The following BRD1 variants were observed in gnomAD, a reference collection of about 807,000 sequenced individuals.
The protein encoded by BRD1 is bromodomain containing 1.
A neutral mutation model predicts 107.7 loss-of-function variants in BRD1; 24 were observed. The observed-to-expected ratio is 0.22, with a 90% CI of 0.16 to 0.31. The LOEUF is 0.31. BRD1 is among the 10% of genes least tolerant of loss of function. The pLI, the probability that BRD1 is intolerant of heterozygous loss-of-function variation, is 1.00. For synonymous variants in BRD1, 744 were observed against 686.1 expected, an observed-to-expected ratio of 1.08 and a Z score of -1.32; for missense variants, 1,279 against 1,638.6, an observed-to-expected ratio of 0.78 and a Z score of 3.79.
chr22:49,790,407 A>G (rs148545473), intron 7 of BRD1, among the ~76,000 whole-genome samples: 11 of 152,314 alleles, frequency 7.2e-5, no homozygotes, highest in Admixed American at 6.5e-5. Flanking sequence ...ACATGGGAAA[A>G]GCTCAGAACA....
chr22:49,775,409 G>C (rs576035827), intron 12 of BRD1, 182 bp downstream of exon 12: 37 of 529,422 alleles, frequency 7.0e-5, no homozygotes, highest in African/African-American at 6.6e-4. Context: ...CCACAGTCCC[G>C]GCGAGGGGGC....
intron 2 of BRD1, among the ~76,000 whole-genome samples, chr22:49,821,157 C>G (rs1469223900): frequency 6.6e-6 from 1 of 152,222 alleles, no homozygotes; most frequent in Non-Finnish European, 1.5e-5. Context: ...GTCCTGCCTA[C>G]CCAACATCAG....
chr22:49,804,325 C>A lies in BRD1; in HGVS notation c.1403G>T (p.Arg468Leu). The change falls in exon 3 of 13, where the codon CGG becomes CTG. Residue 468 changes from arginine to leucine, a missense_variant. Coordinates refer to ENST00000404760, the MANE Select transcript of BRD1 (RefSeq NM_001304808.3). ...GGCTCGCTCCACAAACTGCTTCTTC[C>A]GCTGAATGGCCACCTGATTCGCAAT... ...NRIANQVAIQ[R>L]KKQFVERAHS... The A allele has an allele frequency of 6.2e-7, 1 of 1,608,708 alleles. No homozygotes were observed. Among genetic ancestry groups the A allele is most frequent in the Non-Finnish European group, 8.5e-7 (1 of 1,177,028 alleles).
At chr22:49,804,062 C>T in intron 3 of BRD1, 142 bp downstream of exon 3, 1 of 651,528 alleles carries the variant, frequency 1.5e-6, no homozygotes, top group Non-Finnish European at 2.4e-6. Flanking sequence ...CCTACAGCTC[C>T]AGGGCTGGAC....
At position 49,783,097 on chromosome 22, in the gene BRD1, C is replaced by A. The variant is rs982034502; in HGVS notation, c.2857+4293G>T. ...GGATGGTCAGAGACAGAACCAAGGC[C>A]CAGGCCAGACGCCTGCACGAGACCT... On this transcript the variant is annotated intron_variant, in intron 8 of 12. Coordinates refer to ENST00000404760, the MANE Select transcript of BRD1 (RefSeq NM_001304808.3). This position sits in a 1 kb window ranked among gnomAD's most constrained non-coding sequence, Gnocchi z 4.2. Among the ~76,000 whole-genome samples the A allele has an allele frequency of 3.3e-5, 5 of 151,402 alleles. No individual in the cohort carries two copies. Among genetic ancestry groups the A allele is most frequent in the Non-Finnish European group, 7.4e-5 (5 of 67,910 alleles).
intron 2 of BRD1, chr22:49,817,619 C>T (rs148014637): frequency 0.011 from 2,394 of 224,024 alleles, 24 homozygotes; most frequent in Middle Eastern, 0.029. Context: ...GGCACCATCT[C>T]TGTAGGCTCA....
rs1281023636 is a variant in BRD1 at position 49,823,039 on chromosome 22, T to C, written c.1279A>G (p.Arg427Gly). The C allele has an allele frequency of 6.2e-7, 1 of 1,614,250 alleles. No individual in the cohort carries two copies. ...TTCTTAGCCTTTTTTGCCTTCTTCCTGACCTTGGATGTGGACCTGACCGTT... is the reference window on the plus strand; with the variant it reads ...TTCTTAGCCTTTTTTGCCTTCTTCCCGACCTTGGATGTGGACCTGACCGTT... The part of the protein sequence containing the change: ...VKTVRSTSKV[R>G]KKAKKAKKAL... The change falls in exon 2 of 13, where the codon AGG becomes GGG. Residue 427 changes from arginine to glycine, a missense_variant. Physicochemically the swap from Arg to Gly is moderately radical, Grantham distance 125 (BLOSUM62 -2). Transcript: ENST00000404760.
At chr22:49,780,420 G>A (rs2059184161) in intron 8 of BRD1, among the ~76,000 whole-genome samples, 1 of 152,234 alleles carries the variant, frequency 6.6e-6, no homozygotes, top group Admixed American at 6.5e-5. Context: ...GGGAAGACGT[G>A]GGCAGCACAG....
Position 49,783,403 on chromosome 22 carries a change from CGAGT to C in BRD1, c.2857+3983_2857+3986del, listed in dbSNP as rs777142911. ...AACCCAGAAATACAGAAGATGCTAGCGAGTGAGTGAGCACGCACTGTCCATGCCA... is the reference window on the plus strand; with the variant it reads ...AACCCAGAAATACAGAAGATGCTAGCGAGTGAGCACGCACTGTCCATGCCA... On this transcript the variant is annotated intron_variant, in intron 8 of 12. Transcript: ENST00000404760. This position sits in a 1 kb window ranked among gnomAD's most constrained non-coding sequence, Gnocchi z 4.2. 2.2e-4 allele frequency among the ~76,000 whole-genome samples: 34 copies of C among 152,224 alleles called. No individual in the cohort carries two copies. Among genetic ancestry groups the C allele is most frequent in the Admixed American group, 7.8e-4 (12 of 15,288 alleles).
chr22:49,790,927 C>T (rs1381954297), intron 7 of BRD1, among the ~76,000 whole-genome samples: 1 of 152,222 alleles, frequency 6.6e-6, no homozygotes, highest in Non-Finnish European at 1.5e-5. Flanking sequence ...GGGGACGCCC[C>T]GGAGCCTCTG....
intron 2 of BRD1, among the ~76,000 whole-genome samples, chr22:49,810,710 A>G (rs2059833786): frequency 6.6e-6 from 1 of 152,368 alleles, no homozygotes; most frequent in South Asian, 2.1e-4. Context: ...GCCAGGCAAC[A>G]TCTTCAGCCA....
In BRD1 at chr22:49,794,856, T is replaced by C. The variant is rs1228385377; in HGVS notation, c.2099-562A>G. 2.6e-5 allele frequency among the ~76,000 whole-genome samples: 4 copies of C among 152,360 alleles called. No homozygotes were observed. The South Asian group carries it at 6.2e-4, about 24-fold the overall frequency. On this transcript the variant is annotated intron_variant, in intron 6 of 12. Transcript: ENST00000404760. ...CAGATCATTCTGAATTTCAGACGTA[T>C]TTACTACAAAGTCCCTAGAAACTTC...
At chr22:49,826,281 G>C (rs1372351802) in intron 1 of BRD1, 1 of 984,672 alleles carries the variant, frequency 1.0e-6, no homozygotes, top group Non-Finnish European at 1.2e-6. Flanking sequence ...CTTTCTACAA[G>C]GGGAGAACTG....
chr22:49,795,345 C>T (rs1165857798), intron 6 of BRD1, among the ~76,000 whole-genome samples: 1 of 152,218 alleles, frequency 6.6e-6, no homozygotes, highest in Non-Finnish European at 1.5e-5. Flanking sequence ...GGTGCACCCT[C>T]AAGGCACACC....
At chr22:49,784,640 G>C (rs6009874) in intron 8 of BRD1, among the ~76,000 whole-genome samples, 2 of 152,200 alleles carry the variant, frequency 1.3e-5, no homozygotes, top group African/African-American at 4.8e-5. Context: ...CTAAAGTTCA[G>C]AGCACACAGA....
In BRD1 at chr22:49,777,244, C is replaced by T. The variant is rs1569082460; in HGVS notation, c.2994-83G>A. 5 of 1,576,566 alleles carry T rather than the reference C, an allele frequency of 3.2e-6. No homozygotes were observed. In the African/African-American group the frequency reaches 5.4e-5, roughly 17 times the overall value. ...GGGCTTCGTCCCGTGAGCTGTCCGC[C>T]ACCAAGCTGGCCACGCATCCTGCCT... On this transcript the variant is annotated intron_variant, in intron 9 of 12. Coordinates refer to ENST00000404760, the MANE Select transcript of BRD1 (RefSeq NM_001304808.3).
chr22:49,827,360 A>AGCCGCC (rs1270219044), intron 1 of BRD1, 137 bp downstream of exon 1: 13,579 of 151,394 alleles, frequency 0.09, 1,595 homozygotes, highest in African/African-American at 0.28. Flanking sequence ...GACAATGCGG[A>AGCCGCC]GCCGCCGCCG....
intron 8 of BRD1, 134 bp from the exon 9 acceptor site, chr22:49,777,947 C>T: frequency 2.4e-6 from 3 of 1,257,638 alleles, no homozygotes; most frequent in Non-Finnish European, 3.2e-6. Context: ...TTCCTTTTCA[C>T]TCCCAAGTTC....
In BRD1 at chr22:49,775,633, T is replaced by C; in HGVS notation, c.3344A>G (p.Glu1115Gly). ...AAAAAAGAGAACGAGGAACAGCTTC[T>C]CATCAGACTTGGTCTGCATGTGCTC... is the stretch of plus-strand genomic sequence containing the variant. Reference protein sequence around the residue: ...IGEHMQTKSDEKLFLVLFFDN... With the variant: ...IGEHMQTKSDGKLFLVLFFDN... The change falls in exon 12 of 13, where the codon GAG (glutamate) becomes GGG (glycine). Residue 1115 changes from glutamate (E) to glycine (G), a missense_variant. Glu to Gly is a moderately conservative substitution (Grantham distance 98). Coordinates refer to ENST00000404760, the MANE Select transcript of BRD1 (RefSeq NM_001304808.3). The C allele has an allele frequency of 6.2e-7, 1 of 1,612,842 alleles. No individual in the cohort carries two copies.
Sources: gnomAD v4.1 joint callset for allele counts (sites outside exome capture counted in the v4.1 genomes callset) on GRCh38, gnomAD v4.1.1 for gene constraint, Gnocchi (gnomAD v3.1) non-coding constraint, MANE v1.5 for transcripts, NCBI Gene and HGNC (gene_info 2026-07-23, HGNC 2026-07-21) for gene names.